The following RYR3 variants were observed in gnomAD, a reference collection of about 807,000 sequenced individuals.
The protein encoded by RYR3 is ryanodine receptor 3, also known as brain ryanodine receptor-calcium release channel.
A neutral mutation model predicts 584.3 loss-of-function variants in RYR3; 207 were observed. The observed-to-expected ratio is 0.35, with a 90% CI of 0.32 to 0.40. The LOEUF is 0.40. RYR3 is among the 10% of genes least tolerant of loss of function. The pLI is 1.00. For missense variants in RYR3, 5,616 were observed against 6,089.2 expected (o/e 0.92, Z 2.59); for synonymous variants, 2,416 against 2,248.5 (o/e 1.07, Z -2.11).
rs554297569 is a variant in RYR3, at chr15:33,818,061, G to A, written c.10600-517G>A. Among the ~76,000 whole-genome samples the A allele has an allele frequency of 3.3e-5, 5 of 152,286 alleles. No homozygotes were observed. In the East Asian group the frequency reaches 9.6e-4, roughly 29 times the overall value. On this transcript the variant is annotated intron_variant, in intron 75 of 103. Transcript: ENST00000634891. ...AATTTTAGAATCAAGAGTTAGGTCA[G>A]GAAAGAGAGATGTTTTGCTGGGTTG...
chr15:33,427,708 G>A (rs772059104), intron 1 of RYR3, among the ~76,000 whole-genome samples: 1 of 152,150 alleles, frequency 6.6e-6, no homozygotes, highest in South Asian at 2.1e-4. Context: ...TCACATCTCC[G>A]AGCAGTCAGT....
intron 1 of RYR3, among the ~76,000 whole-genome samples, chr15:33,330,608 A>T (rs1970266710): frequency 1.3e-5 from 2 of 152,124 alleles, no homozygotes; most frequent in Non-Finnish European, 2.9e-5. Flanking sequence ...GTTGATTTGA[A>T]TTAGAGTATT....
intron 1 of RYR3, among the ~76,000 whole-genome samples, chr15:33,314,307 C>G (rs1475147281): frequency 1.3e-5 from 2 of 152,288 alleles, no homozygotes; most frequent in African/African-American, 4.8e-5. Context: ...CTCTTGCTGA[C>G]GTAGCCAGTG....
chr15:33,527,302 CG>C (rs1470827249), intron 3 of RYR3, among the ~76,000 whole-genome samples: 1 of 152,050 alleles, frequency 6.6e-6, no homozygotes, highest in Non-Finnish European at 1.5e-5. Context: ...ACATTAAGGC[CG>C]GGCATGGTAG....
chr15:33,809,324 CT>C (rs1428235137), intron 70 of RYR3, among the ~76,000 whole-genome samples: 4 of 152,312 alleles, frequency 2.6e-5, no homozygotes, highest in South Asian at 2.1e-4. Context: ...TAGCGTAAAG[CT>C]TTGGTGAGCA....
chr15:33,711,619 C>T (rs2067131100), intron 43 of RYR3, among the ~76,000 whole-genome samples: 1 of 152,198 alleles, frequency 6.6e-6, no homozygotes, highest in South Asian at 2.1e-4. Context: ...CTCTCAAGTT[C>T]AAACTTCCAT....
chr15:33,424,696 C>A (rs954551271), intron 1 of RYR3, among the ~76,000 whole-genome samples: 1 of 152,192 alleles, frequency 6.6e-6, no homozygotes, highest in Non-Finnish European at 1.5e-5. Context: ...CTAGGCTCAC[C>A]TATCTCTGTT....
chr15:33,378,964 C>CA lies in RYR3; in HGVS notation c.51+67880dup, dbSNP rs113441340. Among the ~76,000 whole-genome samples the CA allele has an allele frequency of 2.1e-3, 300 of 140,384 alleles. 3 individuals carry two copies. In the East Asian group the frequency reaches 0.023, roughly 11 times the overall value. The allele number at this position is 140,384 out of a possible 152,430, so 92.1% of individuals were successfully genotyped here. On this transcript the variant is annotated intron_variant, in intron 1 of 103. Transcript: ENST00000634891. ...TGGGCAATAAAGTGAGACCTCATCT[C>CA]AAAAAAAAAAAAGTGTGTTTTAATA...
At chr15:33,449,415 G>C (rs747131830) in intron 1 of RYR3, among the ~76,000 whole-genome samples, 19 of 152,152 alleles carry the variant, frequency 1.2e-4, no homozygotes, top group Admixed American at 3.9e-4. Flanking sequence ...CATAATCTTG[G>C]CAATGACATC....
chr15:33,337,836 AAC>A (rs1971310523), intron 1 of RYR3, among the ~76,000 whole-genome samples: 1 of 152,062 alleles, frequency 6.6e-6, no homozygotes, highest in African/African-American at 2.4e-5. Context: ...AACTGGGAAC[AAC>A]ACACATGCCC....
intron 10 of RYR3, among the ~76,000 whole-genome samples, chr15:33,558,631 C>T (rs1255159251): frequency 6.6e-6 from 1 of 152,168 alleles, no homozygotes; most frequent in Non-Finnish European, 1.5e-5. Flanking sequence ...GGCGATTCCT[C>T]AGGGATCTAG....
chr15:33,568,064 T>C (rs1361081623), intron 12 of RYR3, among the ~76,000 whole-genome samples: 1 of 152,204 alleles, frequency 6.6e-6, no homozygotes. Context: ...TGGGATGTTT[T>C]TTCATTCACA....
At chr15:33,720,683 G>A (rs1272661823) in intron 43 of RYR3, among the ~76,000 whole-genome samples, 2 of 152,164 alleles carry the variant, frequency 1.3e-5, no homozygotes, top group Non-Finnish European at 1.5e-5. Flanking sequence ...GGGCAACATG[G>A]TGAAACCCTG....
intron 36 of RYR3, among the ~76,000 whole-genome samples, chr15:33,668,859 G>T (rs1485241742): frequency 6.6e-6 from 1 of 152,100 alleles, no homozygotes; most frequent in African/African-American, 2.4e-5. Context: ...ACTCAAACCA[G>T]CTTTATAAGG....
chr15:33,580,510 C>A (rs1472117474), intron 13 of RYR3, among the ~76,000 whole-genome samples: 1 of 152,154 alleles, frequency 6.6e-6, no homozygotes, highest in Admixed American at 6.5e-5. Context: ...TGGATTCTAC[C>A]ACATTGAGAA....
chr15:33,542,632 C>G (rs183277585), intron 7 of RYR3, among the ~76,000 whole-genome samples: 4 of 152,226 alleles, frequency 2.6e-5, no homozygotes, highest in South Asian at 4.1e-4. Context: ...TAATAATACC[C>G]TTTTCTCCTC....
At chr15:33,535,851 A>G (rs187896726) in intron 5 of RYR3, among the ~76,000 whole-genome samples, 57 of 152,356 alleles carry the variant, frequency 3.7e-4, no homozygotes, top group African/African-American at 1.0e-3. Flanking sequence ...GCAAACACAT[A>G]GAACTAACCC....
chr15:33,820,023 C>T (rs1596794856), intron 77 of RYR3, among the ~76,000 whole-genome samples: 1 of 152,186 alleles, frequency 6.6e-6, no homozygotes, highest in African/African-American at 2.4e-5. Flanking sequence ...ACAATGGGTG[C>T]TGGTGGATAG....
chr15:33,558,560 G>A (rs916005221), intron 10 of RYR3, among the ~76,000 whole-genome samples: 19 of 151,972 alleles, frequency 1.3e-4, no homozygotes, highest in South Asian at 4.2e-4. Flanking sequence ...ATAAACATAC[G>A]TGTGCATGTG....
Sources: allele counts gnomAD v4.1 joint callset (sites outside exome capture counted in the v4.1 genomes callset), GRCh38; gene constraint gnomAD v4.1.1; transcripts MANE v1.5; gene names NCBI Gene and HGNC (gene_info 2026-07-23, HGNC 2026-07-21).